DNAJB2: variants seen among roughly 807,000 people sequenced by gnomAD.
The protein encoded by DNAJB2 is dnaJ homolog subfamily B member 2.
Under a neutral mutation model 33.3 loss-of-function variants are expected in DNAJB2, and 19 were observed. The ratio of observed to expected loss-of-function variants is 0.57; its 90% confidence interval spans 0.40 to 0.84. The LOEUF (loss-of-function observed/expected upper bound fraction) is 0.84. Ranked by LOEUF, DNAJB2 falls within the 40% of genes least tolerant of loss-of-function variation. The pLI is 0.00. For missense variants in DNAJB2, 368 were observed against 430.9 expected (o/e 0.85, Z 1.29); for synonymous variants, 172 against 164.6 (o/e 1.04, Z -0.34).
At position 219,279,696 on chromosome 2, in the gene DNAJB2, C is replaced by G. The variant is rs927090105; in HGVS notation, c.-36-102C>G. ...GCCGCAAGCAGAGCCCGGTGTGCTC[C>G]GCTTCCAACTGGGAGCGCCTTCCGC... is the stretch of plus-strand genomic sequence containing the variant. On this transcript the variant is annotated intron_variant, in intron 1 of 8. Transcript: ENST00000336576. This position sits in a 1 kb window ranked among gnomAD's most constrained non-coding sequence, Gnocchi z 4.9. The G allele has an allele frequency of 5.7e-5, 49 of 867,182 alleles. 1 individual carries two copies. Among genetic ancestry groups the G allele is most frequent in the Non-Finnish European group, 7.7e-5 (43 of 561,270 alleles). The allele number at this position is 867,182 out of a possible 1,614,324, so 53.7% of individuals were successfully genotyped here.
rs1951881907 is a variant in DNAJB2, at chr2:219,279,366, A to G, written c.-189A>G. On this transcript the variant is annotated 5_prime_UTR_variant, in exon 1 of 9. Transcript: ENST00000336576. The surrounding 1 kb of genome is among the most constrained non-coding windows in gnomAD (Gnocchi z 4.9). ...CGGAGCCGGCCTTCTCCCCGTCTCTAGTAGTTTCCGCACCGCTGACGCATG... is the reference window on the plus strand; with the variant it reads ...CGGAGCCGGCCTTCTCCCCGTCTCTGGTAGTTTCCGCACCGCTGACGCATG... 1 of 154,268 alleles carries G rather than the reference A, an allele frequency of 6.5e-6. No individual in the cohort carries two copies. Among genetic ancestry groups the G allele is most frequent in the East Asian group, 1.9e-4 (1 of 5,214 alleles). 9.6% of individuals were successfully genotyped at this position (154,268 alleles called of 1,614,324 possible). A position where few individuals can be genotyped will look rare whatever the true frequency, so the allele number is the denominator to read the frequency against.
At position 219,282,889 on chromosome 2, in the gene DNAJB2, C is replaced by T. The variant is rs1175926088; in HGVS notation, c.405C>T (p.Gly135=). 3.1e-6 allele frequency: 5 copies of T among 1,607,070 alleles called. No individual in the cohort carries two copies. The change falls in exon 6 of 9, where the codon GGC becomes GGT. Residue 135 remains glycine, a synonymous_variant. Coordinates refer to ENST00000336576, the MANE Select transcript of DNAJB2 (RefSeq NM_006736.6). ...AGAACCGGGGTTCCCGACACTCAGG[C>T]CCCTTCTTTACCTTCTCTTCCTCCT... ...ELQNRGSRHS[G]PFFTFSSSFP...
chr2:219,281,406 C>G (rs1246837621), intron 3 of DNAJB2: 8 of 368,012 alleles, frequency 2.2e-5, no homozygotes, highest in Non-Finnish European at 3.5e-5. Context: ...CATTAGCTAA[C>G]ATTTATTGAA....
chr2:219,286,115 C>G lies in DNAJB2; in HGVS notation c.*1128C>G. On this transcript the variant is annotated 3_prime_UTR_variant, in exon 9 of 9. Coordinates refer to ENST00000336576, the MANE Select transcript of DNAJB2 (RefSeq NM_006736.6). ...ACCCATGCTGAGTGTAGAGCCGGGG[C>G]CTGGGTGGCGGGTGGGGGCCGGGTG... 2.0e-6 allele frequency: 1 copy of G among 507,418 alleles called. No individual in the cohort carries two copies. Among genetic ancestry groups the G allele is most frequent in the East Asian group, 8.4e-5 (1 of 11,966 alleles). The allele number at this position is 507,418 out of a possible 1,614,324, so 31.4% of individuals were successfully genotyped here.
chr2:219,279,719 C>A lies in DNAJB2; in HGVS notation c.-36-79C>A, dbSNP rs562983134. 7.6e-5 allele frequency: 93 copies of A among 1,220,780 alleles called. No homozygotes were observed. The South Asian group carries it at 1.1e-3, about 15-fold the overall frequency. The allele number at this position is 1,220,780 out of a possible 1,614,324, so 75.6% of individuals were successfully genotyped here. The stretch of plus-strand genomic sequence containing the variant: ...TCCGCTTCCAACTGGGAGCGCCTTC[C>A]GCCACCCGGGGAGGGGGACTGCTGC... On this transcript the variant is annotated intron_variant, in intron 1 of 8. Transcript: ENST00000336576. The surrounding 1 kb of genome is among the most constrained non-coding windows in gnomAD (Gnocchi z 4.9).
intron 5 of DNAJB2, 23 bp from the exon 6 acceptor site, chr2:219,282,814 G>A: frequency 6.4e-7 from 1 of 1,550,796 alleles, no homozygotes; most frequent in Non-Finnish European, 8.7e-7. Flanking sequence ...CCAGATGACT[G>A]CTAATCTGTT....
Position 219,281,969 on chromosome 2 carries a change from G to A in DNAJB2, c.260G>A (p.Ser87Asn), listed in dbSNP as rs749512177. ...GTGPSRAEAG[S>N]GGPGFTFTFR... ...GGCCCATCTCGGGCAGAAGCTGGCA[G>A]TGGTGGGCCTGGCTTCACCTTCACC... Residue 87 changes from serine to asparagine, a missense_variant, in exon 5 of 9, where the codon AGT (serine) becomes AAT (asparagine). Coordinates refer to ENST00000336576, the MANE Select transcript of DNAJB2 (RefSeq NM_006736.6). 4 of 1,614,218 alleles carry A rather than the reference G, an allele frequency of 2.5e-6. No individual in the cohort carries two copies. The highest frequency in any genetic ancestry group is 1.6e-4 in the Middle Eastern group (1 of 6,062).
Position 219,286,070 on chromosome 2 carries a change from A to T in DNAJB2, c.*1083A>T. 1 of 1,152,348 alleles carries T rather than the reference A, an allele frequency of 8.7e-7. No individual in the cohort carries two copies. The highest frequency in any genetic ancestry group is 2.2e-5 in the African/African-American group (1 of 46,294). The allele number at this position is 1,152,348 out of a possible 1,614,324, so 71.4% of individuals were successfully genotyped here. ...GCCTTCCCCCATGCGCTGGGAGGGG[A>T]CCCTCCATTTCTCCCCCTCACCCAT... On this transcript the variant is annotated 3_prime_UTR_variant, in exon 9 of 9. Coordinates refer to ENST00000336576, the MANE Select transcript of DNAJB2 (RefSeq NM_006736.6).
intron 3 of DNAJB2, chr2:219,281,476 G>A (rs1471870297): frequency 1.8e-6 from 1 of 569,872 alleles, no homozygotes. Flanking sequence ...TTTGATCTGT[G>A]CAACAACCCT....
rs200945257 is a variant in DNAJB2 at position 219,279,389 on chromosome 2, A to C, written c.-166A>C. On this transcript the variant is annotated 5_prime_UTR_variant, in exon 1 of 9. It removes an upstream start codon present in the reference 5' UTR. Coordinates refer to ENST00000336576, the MANE Select transcript of DNAJB2 (RefSeq NM_006736.6). This position sits in a 1 kb window ranked among gnomAD's most constrained non-coding sequence, Gnocchi z 4.9. ...CTAGTAGTTTCCGCACCGCTGACGC[A>C]TGCCTGCGCGCACAGCTGGGCCGGG... 603 of 157,982 alleles carry C rather than the reference A, an allele frequency of 3.8e-3. 3 individuals carry two copies. The highest frequency in any genetic ancestry group is 6.2e-3 in the Non-Finnish European group (446 of 71,790). 9.8% of individuals were successfully genotyped at this position (157,982 alleles called of 1,614,324 possible). A position where few individuals can be genotyped will look rare whatever the true frequency, so the allele number is the denominator to read the frequency against.
Position 219,279,911 on chromosome 2 carries a change from G to A in DNAJB2, c.65+13G>A. ...ACATCAAGAAGGCGTAAGTGCCTCC[G>A]TATGCAACAGAAGACCTCTCACCCT... is the stretch of plus-strand genomic sequence containing the variant. On this transcript the variant is annotated intron_variant, in intron 2 of 8. Transcript: ENST00000336576. The surrounding 1 kb of genome is among the most constrained non-coding windows in gnomAD (Gnocchi z 4.9). 1 of 1,613,660 alleles carries A rather than the reference G, an allele frequency of 6.2e-7. No individual in the cohort carries two copies. The highest frequency in any genetic ancestry group is 8.5e-7 in the Non-Finnish European group (1 of 1,179,916).
Position 219,279,552 on chromosome 2 carries a change from C to A in DNAJB2, c.-37+34C>A. On this transcript the variant is annotated intron_variant, in intron 1 of 8. Coordinates refer to ENST00000336576, the MANE Select transcript of DNAJB2 (RefSeq NM_006736.6). The surrounding 1 kb of genome is among the most constrained non-coding windows in gnomAD (Gnocchi z 4.9). ...GGGGGCCCGGGTCAGGCTGGGGGCC[C>A]TGGATCGGACTGCTGGAGTTGGGGG... 2.5e-6 allele frequency: 1 copy of A among 405,580 alleles called. No homozygotes were observed. Among genetic ancestry groups the A allele is most frequent in the Non-Finnish European group, 4.5e-6 (1 of 222,498 alleles). 25.1% of individuals were successfully genotyped at this position (405,580 alleles called of 1,614,324 possible).
At chr2:219,281,160 G>T (rs1340538836) in intron 3 of DNAJB2, 1 of 191,146 alleles carries the variant, frequency 5.2e-6, no homozygotes, top group Non-Finnish European at 1.1e-5. Flanking sequence ...GCTGGGTGCT[G>T]GGGAAACTGG....
chr2:219,279,933 C>T lies in DNAJB2; in HGVS notation c.65+35C>T. The T allele has an allele frequency of 6.2e-7, 1 of 1,611,038 alleles. No homozygotes were observed. On this transcript the variant is annotated intron_variant, in intron 2 of 8. Coordinates refer to ENST00000336576, the MANE Select transcript of DNAJB2 (RefSeq NM_006736.6). This position sits in a 1 kb window ranked among gnomAD's most constrained non-coding sequence, Gnocchi z 4.9. ...TCCGTATGCAACAGAAGACCTCTCA[C>T]CCTCCACCCGCCACCACCATGGGGC...
intron 8 of DNAJB2, among the ~76,000 whole-genome samples, chr2:219,284,045 T>C (rs1480000402): frequency 6.6e-6 from 1 of 152,174 alleles, no homozygotes; most frequent in Non-Finnish European, 1.5e-5. Flanking sequence ...TGGGCTGACA[T>C]ATTTAATCAT....
chr2:219,282,635 A>C, intron 5 of DNAJB2: 1 of 494,610 alleles, frequency 2.0e-6, no homozygotes, highest in Non-Finnish European at 3.5e-6. Context: ...TCCTTCCTTT[A>C]TTCTTTATTG....
rs1331596980 is a variant in DNAJB2, at chr2:219,286,528, A to G, written c.*1541A>G. ...CAGCCTGGGGTCCCAGGAACAAGCC[A>G]GGGCGAGTGGCATGTCTGCCTGAGC... On this transcript the variant is annotated 3_prime_UTR_variant, in exon 9 of 9. Transcript: ENST00000336576. The G allele has an allele frequency of 6.5e-6, 1 of 153,900 alleles. No homozygotes were observed. The highest frequency in any genetic ancestry group is 1.4e-5 in the Non-Finnish European group (1 of 69,094). The allele number at this position is 153,900 out of a possible 1,614,324, so 9.5% of individuals were successfully genotyped here.
At chr2:219,281,437 C>G (rs1368495023) in intron 3 of DNAJB2, 4 of 464,742 alleles carry the variant, frequency 8.6e-6, no homozygotes, top group Non-Finnish European at 1.5e-5. Flanking sequence ...GTGTCAGGCA[C>G]TGGTAGGCAG....
At chr2:219,281,907 C>G (rs757624144) in intron 4 of DNAJB2, 32 bp from the exon 5 acceptor site, 1 of 1,612,706 alleles carries the variant, frequency 6.2e-7, no homozygotes, top group African/African-American at 1.3e-5. Flanking sequence ...AGGATGCATG[C>G]CCTAAGCTCT....
Sources: allele counts gnomAD v4.1 joint callset (sites outside exome capture counted in the v4.1 genomes callset), GRCh38; gene constraint gnomAD v4.1.1; non-coding constraint Gnocchi (gnomAD v3.1); transcripts MANE v1.5; gene names NCBI Gene and HGNC (gene_info 2026-07-23, HGNC 2026-07-21).